The following DCC variants were observed in gnomAD, a reference collection of about 807,000 sequenced individuals.
DCC encodes netrin receptor DCC.
In DCC, 58 loss-of-function variants were observed where a neutral mutation model predicts 172.5. The observed-to-expected ratio is 0.34, with a 90% CI of 0.27 to 0.42. The LOEUF (loss-of-function observed/expected upper bound fraction) is 0.42. Among genes scored for constraint, DCC ranks in the 10% least tolerant of loss-of-function variants. The pLI is 1.00. For missense variants in DCC, 1,740 were observed against 1,791.0 expected (o/e 0.97, Z 0.51); for synonymous variants, 709 against 644.5 (o/e 1.10, Z -1.52).
chr18:53,135,680 TTA>T (rs1216018815), intron 7 of DCC, among the ~76,000 whole-genome samples: 1 of 152,196 alleles, frequency 6.6e-6, no homozygotes, highest in Non-Finnish European at 1.5e-5. Flanking sequence ...TTGCATTTAT[TTA>T]TGTTATTTTA....
At chr18:53,426,256 TATAA>T (rs1910931819) in intron 21 of DCC, among the ~76,000 whole-genome samples, 1 of 145,330 alleles carries the variant, frequency 6.9e-6, no homozygotes, top group South Asian at 2.1e-4. Flanking sequence ...TATATTTATA[TATAA>T]ATACATATAT....
intron 12 of DCC, among the ~76,000 whole-genome samples, chr18:53,282,920 A>G (rs950463886): frequency 6.6e-6 from 1 of 152,184 alleles, no homozygotes; most frequent in Non-Finnish European, 1.5e-5. Context: ...CGATGTGTGC[A>G]GAATGTTCTC....
intron 1 of DCC, among the ~76,000 whole-genome samples, chr18:52,541,903 A>ATATATATATATGTATATG (rs2032471444): frequency 6.9e-6 from 1 of 144,474 alleles, no homozygotes; most frequent in Non-Finnish European, 1.5e-5. Context: ...ATATGTGTAT[A>ATATATATATATGTATATG]TATATATGTA....
intron 7 of DCC, among the ~76,000 whole-genome samples, chr18:53,103,986 C>G (rs577826575): frequency 6.6e-6 from 1 of 152,066 alleles, no homozygotes; most frequent in African/African-American, 2.4e-5. Context: ...ACTCTGTAAT[C>G]AAGATAATAT....
rs76508871 is a variant in DCC, at chr18:52,922,518, C to T, written c.698-1189C>T. ...CCTAGTTTAAAAGATTTCATTGCCT[C>T]ATTTTCTTTGCATCCAGATTTTGCT... On this transcript the variant is annotated intron_variant, in intron 3 of 28. Coordinates refer to ENST00000442544, the MANE Select transcript of DCC (RefSeq NM_005215.4). 3.1e-4 allele frequency among the ~76,000 whole-genome samples: 47 copies of T among 152,248 alleles called. No homozygotes were observed. The East Asian group carries it at 8.3e-3, about 27-fold the overall frequency.
At chr18:53,456,031 T>C (rs892123205) in intron 23 of DCC, among the ~76,000 whole-genome samples, 5 of 152,216 alleles carry the variant, frequency 3.3e-5, no homozygotes, top group African/African-American at 1.2e-4. Context: ...CTGAAGGAAC[T>C]GAATTATCAC....
intron 2 of DCC, among the ~76,000 whole-genome samples, chr18:52,809,961 G>C (rs746558047): frequency 5.9e-5 from 9 of 152,050 alleles, no homozygotes; most frequent in Non-Finnish European, 1.0e-4. Context: ...TACAAGTCCC[G>C]TGTTTAAAGG....
chr18:52,939,301 A>T (rs368991613), intron 5 of DCC, among the ~76,000 whole-genome samples: 1 of 152,066 alleles, frequency 6.6e-6, no homozygotes, highest in South Asian at 2.1e-4. Context: ...CTACCTTTTT[A>T]TGGGGGTTGT....
chr18:53,283,193 A>G (rs540810991), intron 12 of DCC, among the ~76,000 whole-genome samples: 1 of 152,322 alleles, frequency 6.6e-6, no homozygotes, highest in East Asian at 1.9e-4. Context: ...GCATTCAGCC[A>G]TAATTGATGA....
At chr18:53,112,692 A>G (rs2043349906) in intron 7 of DCC, among the ~76,000 whole-genome samples, 1 of 151,548 alleles carries the variant, frequency 6.6e-6, no homozygotes, top group Non-Finnish European at 1.5e-5. Context: ...GGATGGGAAG[A>G]AAATCTATTT....
At chr18:52,979,639 C>G (rs756789912) in intron 5 of DCC, among the ~76,000 whole-genome samples, 1 of 152,166 alleles carries the variant, frequency 6.6e-6, no homozygotes, top group South Asian at 2.1e-4. Flanking sequence ...CAAATAACAA[C>G]CTTTTGCATA....
chr18:52,853,560 T>TTTAATGGTAGAGGATTTAATCA (rs2039009038), intron 2 of DCC, among the ~76,000 whole-genome samples: 1 of 152,122 alleles, frequency 6.6e-6, no homozygotes, highest in Non-Finnish European at 1.5e-5. Flanking sequence ...AGAGGTGAGG[T>TTTAATGGTAGAGGATTTAATCA]TGGGAGGTCT....
intron 22 of DCC, among the ~76,000 whole-genome samples, chr18:53,442,314 T>C (rs79828137): frequency 0.089 from 13,604 of 152,278 alleles, 828 homozygotes; most frequent in Admixed American, 0.19. Flanking sequence ...CTATGTGACA[T>C]TTTGGTAATT....
In DCC at chr18:52,880,183, G is replaced by A. The variant is rs566995944; in HGVS notation, c.413-25861G>A. Among the ~76,000 whole-genome samples the A allele has an allele frequency of 6.6e-5, 10 of 151,782 alleles. No homozygotes were observed. The South Asian group carries it at 2.1e-3, about 32-fold the overall frequency. On this transcript the variant is annotated intron_variant, in intron 2 of 28. Coordinates refer to ENST00000442544, the MANE Select transcript of DCC (RefSeq NM_005215.4). ...GTTTCACTCTGTCACCCAGGCTGGA[G>A]TGCAGTGGTGCATTTCAGCTTCAGC...
In DCC at chr18:53,114,219, T is replaced by A. The variant is rs1184080772; in HGVS notation, c.1262-43137T>A. ...TTTGTATTGAATCCTGGCAGTGCTT[T>A]ATTTCTAAATTGTACCCATTTTTAA... On this transcript the variant is annotated intron_variant, in intron 7 of 28. Transcript: ENST00000442544. Among the ~76,000 whole-genome samples, 4 of 151,280 alleles carry A rather than the reference T, an allele frequency of 2.6e-5. No homozygotes were observed. In the East Asian group the frequency reaches 7.8e-4, roughly 29 times the overall value.
chr18:52,986,152 G>A (rs1469129602), intron 5 of DCC, among the ~76,000 whole-genome samples: 2 of 152,126 alleles, frequency 1.3e-5, no homozygotes, highest in East Asian at 3.9e-4. Context: ...TGACCAACTA[G>A]GTTGGTGACC....
intron 1 of DCC, among the ~76,000 whole-genome samples, chr18:52,737,109 A>G (rs572345707): frequency 8.5e-5 from 13 of 152,288 alleles, no homozygotes; most frequent in Non-Finnish European, 1.9e-4. Flanking sequence ...ACTATTCCTA[A>G]ATGGTGCTCA....
At chr18:52,423,695 C>A (rs1370645595) in intron 1 of DCC, among the ~76,000 whole-genome samples, 1 of 152,090 alleles carries the variant, frequency 6.6e-6, no homozygotes, top group African/African-American at 2.4e-5. Flanking sequence ...CTATCCTCAG[C>A]TGTTGTGGTT....
intron 2 of DCC, among the ~76,000 whole-genome samples, chr18:52,862,361 G>C (rs576238049): frequency 6.6e-6 from 1 of 151,846 alleles, no homozygotes; most frequent in African/African-American, 2.4e-5. Flanking sequence ...TAGGATCACC[G>C]GTCACTGTAA....
Sources: gnomAD v4.1 joint callset for allele counts (sites outside exome capture counted in the v4.1 genomes callset) on GRCh38, gnomAD v4.1.1 for gene constraint, MANE v1.5 for transcripts, NCBI Gene and HGNC (gene_info 2026-07-23, HGNC 2026-07-21) for gene names.